The following WIPF2 variants were observed in gnomAD, a reference collection of about 807,000 sequenced individuals.
WIPF2 encodes WAS/WASL interacting protein family member 2, also known as WAS/WASL-interacting protein family member 2.
Under a neutral mutation model 38.8 loss-of-function variants are expected in WIPF2, and 23 were observed. That is an observed-to-expected ratio of 0.59 (90% CI 0.43 to 0.84). WIPF2 has a LOEUF of 0.84. Among genes scored for constraint, WIPF2 ranks in the 40% least tolerant of loss-of-function variants. The probability of loss-of-function intolerance (pLI) is 0.00; values close to 1 mark genes in which losing one functional copy is unlikely to be tolerated. For synonymous variants in WIPF2, 210 were observed against 223.2 expected (o/e 0.94, Z 0.53); for missense variants, 574 against 580.5 (o/e 0.99, Z 0.11).
intron 1 of WIPF2, among the ~76,000 whole-genome samples, chr17:40,235,920 C>T (rs1368978612): frequency 6.6e-6 from 1 of 150,660 alleles, no homozygotes; most frequent in Non-Finnish European, 1.5e-5. Context: ...TGAATTACCT[C>T]CTTTCTTCCT....
rs1285366095 is a variant in WIPF2, at chr17:40,282,184, A to G, written c.*3959A>G. ...TTTGGTTCCATTCAACTCCACATTC[A>G]TTGTGCCTTTACTTGCATTAGATTT... On this transcript the variant is annotated 3_prime_UTR_variant, in exon 8 of 8. Coordinates refer to ENST00000323571, the MANE Select transcript of WIPF2 (RefSeq NM_133264.5). The G allele has an allele frequency of 1.3e-5, 2 of 150,532 alleles. 1 individual carries two copies. The highest frequency in any genetic ancestry group is 4.2e-4 in the South Asian group (2 of 4,796). 9.3% of individuals were successfully genotyped at this position (150,532 alleles called of 1,614,324 possible).
At chr17:40,241,363 A>T (rs1362046631) in intron 1 of WIPF2, among the ~76,000 whole-genome samples, 1 of 152,234 alleles carries the variant, frequency 6.6e-6, no homozygotes. Context: ...ATGCCATCTT[A>T]CATCTCCATG....
chr17:40,235,140 C>CAAAGTGCT (rs1400620218), intron 1 of WIPF2, among the ~76,000 whole-genome samples: 2 of 151,976 alleles, frequency 1.3e-5, no homozygotes, highest in Non-Finnish European at 2.9e-5. Context: ...GGATGGCCGC[C>CAAAGTGCT]CGCCTCGGCC....
At chr17:40,264,366 ACC>A in intron 4 of WIPF2, 122 bp from the exon 5 acceptor site, 18 of 774,368 alleles carry the variant, frequency 2.3e-5, no homozygotes, top group South Asian at 1.1e-4. Flanking sequence ...AAAACAAAAA[ACC>A]CAGAATTATT....
At chr17:40,254,453 T>TG in intron 1 of WIPF2, among the ~76,000 whole-genome samples, 1 of 152,274 alleles carries the variant, frequency 6.6e-6, no homozygotes, top group South Asian at 2.1e-4. Flanking sequence ...TTCCATTTTT[T>TG]GGGGGGAGGG....
rs1481307401 is a variant in WIPF2 at position 40,282,632 on chromosome 17, G to T, written c.*4407G>T. 2 of 152,028 alleles carry T rather than the reference G, an allele frequency of 1.3e-5. No individual in the cohort carries two copies. The highest frequency in any genetic ancestry group is 2.9e-5 in the Non-Finnish European group (2 of 67,998). The allele number at this position is 152,028 out of a possible 1,614,324, so 9.4% of individuals were successfully genotyped here. On this transcript the variant is annotated 3_prime_UTR_variant, in exon 8 of 8. Transcript: ENST00000323571. ...AATCTGGTCTCAGGTTGGATTCTTTGGTACATTTCTCTCTTCTGGATGCCA... is the reference window on the plus strand; with the variant it reads ...AATCTGGTCTCAGGTTGGATTCTTTTGTACATTTCTCTCTTCTGGATGCCA...
chr17:40,222,303 T>C lies in WIPF2; in HGVS notation c.-70+2811T>C, dbSNP rs942740395. Among the ~76,000 whole-genome samples the C allele has an allele frequency of 1.3e-4, 19 of 151,710 alleles. 1 individual carries two copies. The highest frequency in any genetic ancestry group is 4.6e-4 in the African/African-American group (19 of 41,490). On this transcript the variant is annotated intron_variant, in intron 1 of 7. Transcript: ENST00000323571. ...TCCTGACCTCGTGATCTGCCCACCT[T>C]GGCCTCCCAAAGTGCTGGGATTACA...
intron 1 of WIPF2, among the ~76,000 whole-genome samples, chr17:40,244,776 C>G (rs1410751568): frequency 2.0e-5 from 3 of 152,082 alleles, no homozygotes; most frequent in Non-Finnish European, 4.4e-5. Flanking sequence ...CAACTACATT[C>G]CCATGTTAGA....
At chr17:40,255,110 C>G (rs796808232) in intron 1 of WIPF2, among the ~76,000 whole-genome samples, 10 of 152,042 alleles carry the variant, frequency 6.6e-5, no homozygotes, top group African/African-American at 2.2e-4. Context: ...AAAATACTTG[C>G]AGAAGACATA....
intron 5 of WIPF2, among the ~76,000 whole-genome samples, chr17:40,272,846 G>A (rs1212805442): frequency 6.6e-6 from 1 of 152,120 alleles, no homozygotes; most frequent in African/African-American, 2.4e-5. Context: ...AGTATACTGG[G>A]GAAAGAGCAC....
intron 5 of WIPF2, 145 bp downstream of exon 5, chr17:40,265,291 A>G (rs2032052465): frequency 9.7e-7 from 1 of 1,036,094 alleles, no homozygotes; most frequent in Non-Finnish European, 1.4e-6. Context: ...GTTGGTAGGG[A>G]AATAGCAATA....
intron 1 of WIPF2, among the ~76,000 whole-genome samples, chr17:40,251,785 T>A (rs1356885908): frequency 6.6e-6 from 1 of 152,180 alleles, no homozygotes; most frequent in Non-Finnish European, 1.5e-5. Context: ...GACTTCAGTG[T>A]CCTCACCATA....
chr17:40,274,931 CAAAAAAAAA>C (rs777312230), intron 6 of WIPF2, among the ~76,000 whole-genome samples: 1 of 45,580 alleles, frequency 2.2e-5, no homozygotes, highest in African/African-American at 8.4e-5. Flanking sequence ...GAATCTGTCT[CAAAAAAAAA>C]AAAAAAAAAA....
At chr17:40,260,688 C>T (rs774161342) in intron 3 of WIPF2, 21 bp downstream of exon 3, 8 of 1,613,320 alleles carry the variant, frequency 5.0e-6, no homozygotes, top group Admixed American at 3.3e-5. Flanking sequence ...GCTTCATTTC[C>T]TAGTGAACTG....
At chr17:40,220,599 A>ATATATATATATGTATATG (rs2030166877) in intron 1 of WIPF2, 2 of 83,112 alleles carry the variant, frequency 2.4e-5, no homozygotes, top group African/African-American at 1.1e-4. Context: ...ATATATATAT[A>ATATATATATATGTATATG]TATATATATA....
intron 4 of WIPF2, 38 bp from the exon 5 acceptor site, chr17:40,264,452 C>A: frequency 6.2e-7 from 1 of 1,605,342 alleles, no homozygotes; most frequent in Non-Finnish European, 8.5e-7. Context: ...CAATATCTGT[C>A]CAGCTCTGTT....
intron 2 of WIPF2, 124 bp downstream of exon 2, chr17:40,256,646 T>G: frequency 1.6e-6 from 2 of 1,275,092 alleles, no homozygotes; most frequent in Admixed American, 3.4e-5. Context: ...ACTAGTAGCA[T>G]TCCTATTCTT....
intron 5 of WIPF2, among the ~76,000 whole-genome samples, chr17:40,270,966 GGAGGA>G (rs1328668588): frequency 1.3e-5 from 2 of 151,994 alleles, no homozygotes; most frequent in Non-Finnish European, 2.9e-5. Context: ...ATAGTAATCA[GGAGGA>G]ATAATAAGAT....
chr17:40,253,178 T>C (rs2145355202), intron 1 of WIPF2, among the ~76,000 whole-genome samples: 1 of 151,878 alleles, frequency 6.6e-6, no homozygotes, highest in African/African-American at 2.4e-5. Context: ...TTCTCCTGCC[T>C]CAGGCTCCCA....
Sources: gnomAD v4.1 joint callset for allele counts (sites outside exome capture counted in the v4.1 genomes callset) on GRCh38, gnomAD v4.1.1 for gene constraint, MANE v1.5 for transcripts, NCBI Gene and HGNC (gene_info 2026-07-23, HGNC 2026-07-21) for gene names.